THAP12: variants seen among roughly 807,000 people sequenced by gnomAD.
THAP12 encodes the protein 52 kDa repressor of the inhibitor of the protein kinase.
A neutral mutation model predicts 63.0 loss-of-function variants in THAP12; 20 were observed. The ratio of observed to expected loss-of-function variants is 0.32; its 90% CI spans 0.22 to 0.46. THAP12 has a LOEUF of 0.46. Among genes scored for constraint, THAP12 ranks in the 20% least tolerant of loss-of-function variants. The probability of loss-of-function intolerance (pLI) is 1.00; values close to 1 mark genes in which losing one functional copy is unlikely to be tolerated. For synonymous variants in THAP12, 264 were observed against 328.4 expected (o/e 0.80, Z 2.12); for missense variants, 568 against 908.2 (o/e 0.63, Z 4.81).
chr11:76,376,624 G>GTTTTTTTTT (rs11300199), intron 1 of THAP12, among the ~76,000 whole-genome samples: 1 of 130,840 alleles, frequency 7.6e-6, no homozygotes, highest in Non-Finnish European at 1.6e-5. Context: ...TGTTTTTTTT[G>GTTTTTTTTT]TTTTTTTTTT....
chr11:76,378,488 T>C (rs1009119150), intron 1 of THAP12, among the ~76,000 whole-genome samples: 1 of 152,238 alleles, frequency 6.6e-6, no homozygotes, highest in Non-Finnish European at 1.5e-5. Context: ...TCTGTATTTT[T>C]TTCCTAAAAG....
intron 2 of THAP12, 148 bp downstream of exon 2, chr11:76,365,704 C>G (rs769692057): frequency 3.1e-5 from 34 of 1,106,720 alleles, no homozygotes; most frequent in South Asian, 3.6e-5. Context: ...AAAACAGATA[C>G]TTTTCAGCTC....
At chr11:76,370,039 A>G (rs1946659733) in intron 1 of THAP12, among the ~76,000 whole-genome samples, 1 of 152,230 alleles carries the variant, frequency 6.6e-6, no homozygotes, top group East Asian at 1.9e-4. Flanking sequence ...AATAGCAGAT[A>G]CATTTGGGGA....
intron 4 of THAP12, among the ~76,000 whole-genome samples, chr11:76,354,018 A>G (rs113154278): frequency 1.8e-4 from 27 of 152,356 alleles, no homozygotes; most frequent in African/African-American, 6.0e-4. Flanking sequence ...CAAAAAGAAA[A>G]AAGACTATGG....
chr11:76,359,683 C>A (rs966703937), intron 3 of THAP12: 2 of 152,048 alleles, frequency 1.3e-5, no homozygotes, highest in Non-Finnish European at 2.9e-5. Flanking sequence ...CAAAATTAGT[C>A]AGGCGTGGTG....
chr11:76,354,412 C>T (rs1946546891), intron 4 of THAP12, among the ~76,000 whole-genome samples: 1 of 152,212 alleles, frequency 6.6e-6, no homozygotes. Flanking sequence ...TCCATTATTT[C>T]TCCACTTCCA....
intron 2 of THAP12, among the ~76,000 whole-genome samples, chr11:76,362,221 A>G (rs1403855143): frequency 6.6e-6 from 1 of 152,260 alleles, no homozygotes; most frequent in African/African-American, 2.4e-5. Context: ...GATAAAGATA[A>G]GACATACTTC....
rs186574820 is a variant in THAP12 at position 76,377,131 on chromosome 11, G to A, written c.89+3617C>T. Among the ~76,000 whole-genome samples the A allele has an allele frequency of 9.9e-5, 15 of 152,182 alleles. No individual in the cohort carries two copies. In the East Asian group the frequency reaches 2.1e-3, roughly 22 times the overall value. ...CTTAGATAACCTTAACCCGTACCAC[G>A]GTTTTAAATACCCTCTATAAACTGA... On this transcript the variant is annotated intron_variant, in intron 1 of 4. Transcript: ENST00000260045.
At chr11:76,361,139 G>A in intron 2 of THAP12, 76 bp from the exon 3 acceptor site, 1 of 912,904 alleles carries the variant, frequency 1.1e-6, no homozygotes, top group Non-Finnish European at 1.7e-6. Context: ...CTATGTTAAT[G>A]ACCTCCACAA....
chr11:76,371,810 CTTTTTTTTTT>C (rs71036086), intron 1 of THAP12, among the ~76,000 whole-genome samples: 10 of 65,774 alleles, frequency 1.5e-4, no homozygotes, highest in African/African-American at 5.5e-4. Flanking sequence ...TTTAACTTTT[CTTTTTTTTTT>C]TTTTTTTTTT....
intron 1 of THAP12, among the ~76,000 whole-genome samples, chr11:76,369,901 C>T (rs1946658936): frequency 6.6e-6 from 1 of 152,202 alleles, no homozygotes; most frequent in African/African-American, 2.4e-5. Flanking sequence ...CCTCATGATC[C>T]AGATGTGTAT....
chr11:76,375,144 C>T (rs1434126528), intron 1 of THAP12, among the ~76,000 whole-genome samples: 1 of 152,166 alleles, frequency 6.6e-6, no homozygotes, highest in Non-Finnish European at 1.5e-5. Flanking sequence ...TAGAGCACAC[C>T]AGCTCTCAAT....
At chr11:76,362,540 CG>C (rs902861455) in intron 2 of THAP12, among the ~76,000 whole-genome samples, 5 of 152,172 alleles carry the variant, frequency 3.3e-5, no homozygotes, top group Admixed American at 2.0e-4. Context: ...GTGCTGGGCT[CG>C]TGATCCTGAG....
chr11:76,352,843 C>T lies in THAP12; in HGVS notation c.356-49G>A, dbSNP rs758679450. Reference sequence around the variant, plus strand: ...ACAAACAGGCTCATGAAAAACCATACACAACAAAAAATATTACATCTTTGG... The same window carrying T: ...ACAAACAGGCTCATGAAAAACCATATACAACAAAAAATATTACATCTTTGG... On this transcript the variant is annotated intron_variant, in intron 4 of 4. Transcript: ENST00000260045. 52 of 1,491,702 alleles carry T rather than the reference C, an allele frequency of 3.5e-5. No individual in the cohort carries two copies. The Middle Eastern group carries it at 5.4e-4, about 15-fold the overall frequency. 92.4% of individuals were successfully genotyped at this position (1,491,702 alleles called of 1,614,324 possible). A position where few individuals can be genotyped will look rare whatever the true frequency, so the allele number is the denominator to read the frequency against.
In THAP12 at chr11:76,352,054, T is replaced by C. The variant is rs1057142779; in HGVS notation, c.1096A>G (p.Met366Val). 6.2e-7 allele frequency: 1 copy of C among 1,611,558 alleles called. No homozygotes were observed. Among genetic ancestry groups the C allele is most frequent in the African/African-American group, 1.3e-5 (1 of 74,858 alleles). ...ACAGGTACTGATTTTGCCAACCACA[T>C]ATTTAAGGCACAGGAAGAGCAGAGT... The part of the protein sequence containing the change: ...YTLCSSCALN[M>V]WLAKSVPVMG... The change falls in exon 5 of 5, where the codon ATG becomes GTG. Residue 366 changes from methionine to valine, a missense_variant. Transcript: ENST00000260045.
intron 2 of THAP12, among the ~76,000 whole-genome samples, chr11:76,365,266 C>A (rs927239644): frequency 1.3e-5 from 2 of 149,662 alleles, no homozygotes; most frequent in African/African-American, 4.9e-5. Flanking sequence ...TGCACTCCAG[C>A]CTGGGTGACA....
At chr11:76,358,726 T>C (rs537109384) in intron 3 of THAP12, 31 of 152,206 alleles carry the variant, frequency 2.0e-4, no homozygotes, top group Admixed American at 6.5e-4. Flanking sequence ...GAGGATTGCT[T>C]CAGCCCAGGA....
Position 76,350,128 on chromosome 11 carries a change from T to C in THAP12, c.*736A>G, listed in dbSNP as rs1946514691. 1.3e-5 allele frequency: 2 copies of C among 152,650 alleles called. No individual in the cohort carries two copies. The highest frequency in any genetic ancestry group is 2.9e-5 in the Non-Finnish European group (2 of 68,026). 9.5% of individuals were successfully genotyped at this position (152,650 alleles called of 1,614,324 possible). A position where few individuals can be genotyped will look rare whatever the true frequency, so the allele number is the denominator to read the frequency against. ...AAGATGAGGCAGTATATAAGAGTCA[T>C]GGAAAAAGACAGAGAAAAAAAACAG... On this transcript the variant is annotated 3_prime_UTR_variant, in exon 5 of 5. Coordinates refer to ENST00000260045, the MANE Select transcript of THAP12 (RefSeq NM_004705.4).
At chr11:76,374,907 C>T (rs973367121) in intron 1 of THAP12, among the ~76,000 whole-genome samples, 2 of 152,134 alleles carry the variant, frequency 1.3e-5, no homozygotes, top group Admixed American at 6.5e-5. Context: ...TTGCCCCTTC[C>T]GCCATGTGAG....
Sources: gnomAD v4.1 joint callset for allele counts (sites outside exome capture counted in the v4.1 genomes callset) on GRCh38, gnomAD v4.1.1 for gene constraint, MANE v1.5 for transcripts, NCBI Gene and HGNC (gene_info 2026-07-23, HGNC 2026-07-21) for gene names.